Variants in SNX9 observed in about 807,000 individuals in gnomAD.
SNX9 encodes the protein sorting nexin 9.
SNX9 carries 44 observed loss-of-function variants against 89.4 expected under a neutral mutation model. The observed-to-expected ratio is 0.49, with a 90% CI of 0.39 to 0.63. SNX9 has a LOEUF of 0.63. Ranked by LOEUF, SNX9 falls within the 30% of genes least tolerant of loss-of-function variation. SNX9 has a pLI of 0.00. For missense variants in SNX9, 578 were observed against 736.1 expected, an observed-to-expected ratio of 0.79 and a Z score of 2.49; for synonymous variants, 236 against 247.8, an observed-to-expected ratio of 0.95 and a Z score of 0.45.
At chr6:157,862,503 A>AT (rs1471208280) in intron 1 of SNX9, among the ~76,000 whole-genome samples, 1 of 152,162 alleles carries the variant, frequency 6.6e-6, no homozygotes, top group Admixed American at 6.5e-5. Context: ...TACATATTTT[A>AT]TTTTTTAATT....
chr6:157,834,084 G>A (rs1258521391), intron 1 of SNX9, among the ~76,000 whole-genome samples: 1 of 148,320 alleles, frequency 6.7e-6, no homozygotes, highest in Admixed American at 6.8e-5. Flanking sequence ...ACTGGATCCT[G>A]CCATGGGGTG....
chr6:157,874,771 G>C (rs1388731427), intron 3 of SNX9: 1 of 263,048 alleles, frequency 3.8e-6, no homozygotes, highest in Non-Finnish European at 7.2e-6. Flanking sequence ...AAAACAGAAA[G>C]ATAGATGGAA....
intron 1 of SNX9, among the ~76,000 whole-genome samples, chr6:157,849,943 C>T (rs757198405): frequency 6.6e-6 from 1 of 152,120 alleles, no homozygotes; most frequent in Non-Finnish European, 1.5e-5. Flanking sequence ...ATAAAGATGG[C>T]AGGTGACGTT....
At chr6:157,942,025 T>C (rs1243927387) in intron 17 of SNX9, among the ~76,000 whole-genome samples, 6 of 152,258 alleles carry the variant, frequency 3.9e-5, no homozygotes, top group Non-Finnish European at 7.3e-5. Flanking sequence ...AAAATTTTGA[T>C]AGTGTTGATT....
intron 1 of SNX9, among the ~76,000 whole-genome samples, chr6:157,826,916 A>ATATATATTATAGTTTATATAATATATAAT (rs59317121): frequency 1.5e-4 from 2 of 13,148 alleles, no homozygotes; most frequent in Non-Finnish European, 2.4e-4. Flanking sequence ...TAATATATAA[A>ATATATATTATAGTTTATATAATATATAAT]ATATATTATA....
intron 9 of SNX9, among the ~76,000 whole-genome samples, chr6:157,916,154 C>T (rs1783466719): frequency 6.6e-6 from 1 of 151,988 alleles, no homozygotes; most frequent in Non-Finnish European, 1.5e-5. Context: ...CGTGCCTCAG[C>T]CTCCCGAGTA....
Position 157,873,184 on chromosome 6 carries a change from C to T in SNX9, c.174+8C>T, listed in dbSNP as rs878899045. The T allele has an allele frequency of 3.2e-6, 5 of 1,572,484 alleles. No individual in the cohort carries two copies. In the Admixed American group the frequency reaches 8.9e-5, roughly 28 times the overall value. On this transcript the variant is annotated splice_region_variant and intron_variant, in intron 3 of 17. Coordinates refer to ENST00000392185, the MANE Select transcript of SNX9 (RefSeq NM_016224.5). ...CCCACAGACTACGTTGAAGTAAGAG[C>T]TTCCTGTCATTCATTCATTAGAGCT...
At chr6:157,936,625 C>A (rs1441941577) in intron 14 of SNX9, among the ~76,000 whole-genome samples, 1 of 152,164 alleles carries the variant, frequency 6.6e-6, no homozygotes, top group African/African-American at 2.4e-5. Flanking sequence ...CTGTATGGAC[C>A]ATTGCTTAGC....
At chr6:157,890,933 C>T (rs1356904796) in intron 4 of SNX9, among the ~76,000 whole-genome samples, 1 of 151,974 alleles carries the variant, frequency 6.6e-6, no homozygotes, top group African/African-American at 2.4e-5. Flanking sequence ...CCTCCATCTC[C>T]TGTGCCTGTC....
chr6:157,934,325 AT>A (rs1172039445), intron 13 of SNX9: 47 of 149,978 alleles, frequency 3.1e-4, no homozygotes, highest in African/African-American at 1.1e-3. Flanking sequence ...AGAGAGAGAG[AT>A]GGAAGGTAAA....
At chr6:157,824,511 T>A (rs375131902) in intron 1 of SNX9, among the ~76,000 whole-genome samples, 1 of 152,226 alleles carries the variant, frequency 6.6e-6, no homozygotes, top group Non-Finnish European at 1.5e-5. Context: ...CTAGAAACGT[T>A]ATTTTTTATT....
intron 4 of SNX9, among the ~76,000 whole-genome samples, chr6:157,883,663 A>G (rs952858035): frequency 2.0e-5 from 3 of 152,190 alleles, no homozygotes; most frequent in African/African-American, 7.2e-5. Flanking sequence ...TGATTCTCCA[A>G]ATATGTCCCA....
chr6:157,832,365 A>G (rs966216209), intron 1 of SNX9, among the ~76,000 whole-genome samples: 2 of 152,178 alleles, frequency 1.3e-5, no homozygotes, highest in Non-Finnish European at 2.9e-5. Flanking sequence ...GGATGTCAGT[A>G]TGAAAGGCCT....
chr6:157,840,411 C>CTTTCTTTCT lies in SNX9; in HGVS notation c.12+16983_12+16991dup, dbSNP rs1173476650. 8.2e-4 allele frequency among the ~76,000 whole-genome samples: 98 copies of CTTTCTTTCT among 119,550 alleles called. 1 individual carries two copies. Among genetic ancestry groups the CTTTCTTTCT allele is most frequent in the African/African-American group, 4.3e-3 (91 of 21,268 alleles). The allele number at this position is 119,550 out of a possible 152,430, so 78.4% of individuals were successfully genotyped here. A position where few individuals can be genotyped will look rare whatever the true frequency, so the allele number is the denominator to read the frequency against. ...GACTGACTTTTACAAAAAATACTTT[C>CTTTCTTTCT]TTTCTTTCTTTTCTTTCTTTTCTTT... On this transcript the variant is annotated intron_variant, in intron 1 of 17. Coordinates refer to ENST00000392185, the MANE Select transcript of SNX9 (RefSeq NM_016224.5).
At chr6:157,878,435 T>C (rs1782559908) in intron 4 of SNX9, among the ~76,000 whole-genome samples, 2 of 151,756 alleles carry the variant, frequency 1.3e-5, no homozygotes, top group Admixed American at 6.6e-5. Context: ...CCCACCATTT[T>C]TTTTTTTTTT....
chr6:157,824,071 A>G (rs1486209037), intron 1 of SNX9, among the ~76,000 whole-genome samples: 2 of 152,248 alleles, frequency 1.3e-5, no homozygotes, highest in Admixed American at 6.5e-5. Context: ...CATGAATAAA[A>G]TATCAAGAGG....
intron 10 of SNX9, among the ~76,000 whole-genome samples, 185 bp downstream of exon 10, chr6:157,921,846 T>G (rs571068085): frequency 6.6e-6 from 1 of 152,330 alleles, no homozygotes; most frequent in East Asian, 1.9e-4. Flanking sequence ...AAGAACTGCC[T>G]GCCAGAAGGG....
At chr6:157,923,396 A>G (rs1030152760) in intron 10 of SNX9, among the ~76,000 whole-genome samples, 2 of 151,936 alleles carry the variant, frequency 1.3e-5, no homozygotes, top group African/African-American at 2.4e-5. Context: ...AAGACATTGC[A>G]TATTTATCAG....
chr6:157,848,206 C>A (rs75673735), intron 1 of SNX9, among the ~76,000 whole-genome samples: 11,358 of 152,156 alleles, frequency 0.075, 1,237 homozygotes, highest in African/African-American at 0.24. Flanking sequence ...ATTCATGGTA[C>A]TAACTGCCTA....
Sources: allele counts gnomAD v4.1 joint callset (sites outside exome capture counted in the v4.1 genomes callset), GRCh38; gene constraint gnomAD v4.1.1; transcripts MANE v1.5; gene names NCBI Gene and HGNC (gene_info 2026-07-23, HGNC 2026-07-21).